ATP10B: variants seen among roughly 807,000 people sequenced by gnomAD.
ATP10B encodes the protein phospholipid-transporting ATPase VB.
In ATP10B, 122 loss-of-function variants were observed where a neutral mutation model predicts 141.2. The ratio of observed to expected loss-of-function variants is 0.86; its 90% CI spans 0.75 to 1.00. The LOEUF (loss-of-function observed/expected upper bound fraction) is 1.00, where lower values mean the gene tolerates loss of function less well. Ranked by LOEUF, ATP10B falls within the 50% of genes least tolerant of loss-of-function variation. The pLI, the probability that ATP10B is intolerant of heterozygous loss-of-function variation, is 0.00. For synonymous variants in ATP10B, 685 were observed against 692.0 expected (o/e 0.99, Z 0.16); for missense variants, 1,876 against 1,825.3 (o/e 1.03, Z -0.51).
rs764154320 is a variant in ATP10B at position 160,636,254 on chromosome 5, A to T, written c.1056T>A (p.Asp352Glu). ...CACTGGGAAGGAAGCTGCCATTGGC[A>T]TCTGGCACATCGAAGGGAGGGTGTT... ...FEEHPPFDVPDANGSFLPSAL... is the reference protein window; with the variant it reads ...FEEHPPFDVPEANGSFLPSAL... The change falls in exon 11 of 26, where the codon GAT (aspartate) becomes GAA (glutamate). Residue 352 changes from aspartate to glutamate, a missense_variant. Physicochemically the swap from Asp to Glu is conservative, Grantham distance 45. Transcript: ENST00000327245. 10 of 1,613,646 alleles carry T rather than the reference A, an allele frequency of 6.2e-6. No homozygotes were observed. Among genetic ancestry groups the T allele is most frequent in the African/African-American group, 2.7e-5 (2 of 74,922 alleles).
intron 22 of ATP10B, among the ~76,000 whole-genome samples, chr5:160,594,056 C>A (rs1027277448): frequency 1.4e-4 from 21 of 152,128 alleles, no homozygotes; most frequent in African/African-American, 5.1e-4. Flanking sequence ...AGATAGTCCT[C>A]GAGAAGAGCA....
chr5:160,865,500 A>G, the ATP10B span, among the ~76,000 whole-genome samples: 1 of 152,136 alleles, frequency 6.6e-6, no homozygotes, highest in African/African-American at 2.4e-5. Flanking sequence ...AATCTCTTCT[A>G]GACATTGGCT....
chr5:160,572,745 A>G (rs1754952452), intron 24 of ATP10B, among the ~76,000 whole-genome samples: 1 of 152,222 alleles, frequency 6.6e-6, no homozygotes, highest in African/African-American at 2.4e-5. Flanking sequence ...TTTGGAAAAT[A>G]TCTTGGACTA....
chr5:160,640,642 T>C lies in ATP10B; in HGVS notation c.869-50A>G. 3.1e-6 allele frequency: 5 copies of C among 1,595,300 alleles called. No homozygotes were observed. The African/African-American group carries it at 5.4e-5, about 17-fold the overall frequency. ...GTCCCTTAGTTCCTGTTTGCCTATG[T>C]CTTACACCATTCCCTCAGCTCTTCT... On this transcript the variant is annotated intron_variant, in intron 9 of 25. Coordinates refer to ENST00000327245, the MANE Select transcript of ATP10B (RefSeq NM_025153.3).
At chr5:160,890,427 A>G in the ATP10B span, among the ~76,000 whole-genome samples, 1 of 152,182 alleles carries the variant, frequency 6.6e-6, no homozygotes. Context: ...AACCCTCCCC[A>G]TTAAGCAGTC....
chr5:160,817,038 C>A (rs1773688577), intron 1 of ATP10B, among the ~76,000 whole-genome samples: 1 of 152,158 alleles, frequency 6.6e-6, no homozygotes, highest in Admixed American at 6.5e-5. Flanking sequence ...AAACCCACAG[C>A]CAATATCATA....
At chr5:160,824,865 T>G (rs1774455450) in intron 1 of ATP10B, among the ~76,000 whole-genome samples, 1 of 152,158 alleles carries the variant, frequency 6.6e-6, no homozygotes, top group Non-Finnish European at 1.5e-5. Flanking sequence ...CAAGGATCTT[T>G]CTAGTCCCAA....
At chr5:160,595,877 C>A (rs554923754) in intron 22 of ATP10B, among the ~76,000 whole-genome samples, 20 of 151,602 alleles carry the variant, frequency 1.3e-4, no homozygotes, top group East Asian at 5.8e-4. Context: ...CAATAACAGG[C>A]TCTGAAATTG....
intron 3 of ATP10B, among the ~76,000 whole-genome samples, chr5:160,709,226 C>T (rs748015671): frequency 1.3e-5 from 2 of 152,128 alleles, no homozygotes; most frequent in Non-Finnish European, 2.9e-5. Flanking sequence ...TCTTAGGGCA[C>T]AGGTATCAAT....
the ATP10B span, among the ~76,000 whole-genome samples, chr5:160,878,832 T>C: frequency 6.7e-5 from 10 of 150,274 alleles, no homozygotes; most frequent in Admixed American, 5.9e-4. Context: ...AAAACCACAA[T>C]GAGATACCAT....
chr5:160,671,595 G>A lies in ATP10B; in HGVS notation c.471-928C>T, dbSNP rs531568256. Among the ~76,000 whole-genome samples, 5 of 152,172 alleles carry A rather than the reference G, an allele frequency of 3.3e-5. No individual in the cohort carries two copies. In the East Asian group the frequency reaches 9.6e-4, roughly 29 times the overall value. ...CCTCACAGTAACTGTGGAATTAGAGGGCCGAAGAAATCTGAGGAAATCTGA... is the reference window on the plus strand; with the variant it reads ...CCTCACAGTAACTGTGGAATTAGAGAGCCGAAGAAATCTGAGGAAATCTGA... On this transcript the variant is annotated intron_variant, in intron 6 of 25. Transcript: ENST00000327245.
At chr5:160,915,074 G>T in the ATP10B span, among the ~76,000 whole-genome samples, 3 of 152,174 alleles carry the variant, frequency 2.0e-5, no homozygotes, top group Non-Finnish European at 4.4e-5. Context: ...TCAGAATCAG[G>T]AGTCCTGGGT....
the ATP10B span, among the ~76,000 whole-genome samples, chr5:160,903,141 C>A: frequency 6.6e-6 from 1 of 152,176 alleles, no homozygotes; most frequent in Non-Finnish European, 1.5e-5. Flanking sequence ...TCCACTCAAA[C>A]CATGATAGCT....
chr5:160,704,155 G>A (rs1034069003), intron 3 of ATP10B, among the ~76,000 whole-genome samples: 3 of 151,918 alleles, frequency 2.0e-5, no homozygotes, highest in Non-Finnish European at 2.9e-5. Flanking sequence ...ACTCCTGGGC[G>A]ATCCTCTCGC....
At chr5:160,851,334 AAATGTATTCATCAC>A (rs1170691767) in intron 1 of ATP10B, among the ~76,000 whole-genome samples, 2 of 152,202 alleles carry the variant, frequency 1.3e-5, no homozygotes, top group African/African-American at 4.8e-5. Flanking sequence ...GGACTGTCCT[AAATGTATTCATCAC>A]AGACCTGCAT....
chr5:160,586,014 A>G (rs1755872357), intron 24 of ATP10B, among the ~76,000 whole-genome samples: 1 of 152,160 alleles, frequency 6.6e-6, no homozygotes, highest in African/African-American at 2.4e-5. Context: ...AGAACGTGCA[A>G]GTTTGTTACA....
intron 2 of ATP10B, among the ~76,000 whole-genome samples, chr5:160,771,046 G>C (rs1769865425): frequency 6.6e-6 from 1 of 152,170 alleles, no homozygotes; most frequent in Admixed American, 6.6e-5. Flanking sequence ...TTGGAACTGG[G>C]GTTGAGTCAA....
At chr5:160,902,533 A>T in the ATP10B span, among the ~76,000 whole-genome samples, 2 of 152,236 alleles carry the variant, frequency 1.3e-5, no homozygotes, top group Non-Finnish European at 2.9e-5. Context: ...CAGGCATTTG[A>T]TGAAACAAAG....
Position 160,851,929 on chromosome 5 carries a change from GC to G in ATP10B, c.-576+11del, listed in dbSNP as rs1753837626. ...CCATTATATAGGTTAAGGCCAGGAT[GC>G]TTTTACTTACCCCAGCAAAGCTGAC... On this transcript the variant is annotated intron_variant, in intron 1 of 25. Coordinates refer to ENST00000327245, the MANE Select transcript of ATP10B (RefSeq NM_025153.3). The G allele has an allele frequency of 6.6e-6, 1 of 152,308 alleles. No homozygotes were observed. The allele number at this position is 152,308 out of a possible 1,614,324, so 9.4% of individuals were successfully genotyped here.
Sources: allele counts gnomAD v4.1 joint callset (sites outside exome capture counted in the v4.1 genomes callset), GRCh38; gene constraint gnomAD v4.1.1; transcripts MANE v1.5; gene names NCBI Gene and HGNC (gene_info 2026-07-23, HGNC 2026-07-21).